The following CLK3 variants were observed in gnomAD, a reference collection of about 807,000 sequenced individuals.
The protein encoded by CLK3 is dual specificity protein kinase CLK3.
A neutral mutation model predicts 65.2 loss-of-function variants in CLK3; 24 were observed. The observed-to-expected ratio is 0.37, with a 90% CI of 0.27 to 0.52. The LOEUF is 0.52. Among genes scored for constraint, CLK3 ranks in the 20% least tolerant of loss-of-function variants. The pLI is 0.92. For missense variants in CLK3, 506 were observed against 660.0 expected, an observed-to-expected ratio of 0.77 and a Z score of 2.56; for synonymous variants, 252 against 240.8, an observed-to-expected ratio of 1.05 and a Z score of -0.43.
chr15:74,628,066 G>GC lies in CLK3; in HGVS notation c.1125+15dup. On this transcript the variant is annotated intron_variant, in intron 10 of 12. Transcript: ENST00000395066. ...ACACTCTTCCAGGTACAGCCACCCT[G>GC]CATTGGTCCCCTACCCTGAGTACTG... The GC allele has an allele frequency of 6.3e-7, 1 of 1,579,808 alleles. No individual in the cohort carries two copies. The highest frequency in any genetic ancestry group is 8.7e-7 in the Non-Finnish European group (1 of 1,148,696).
At chr15:74,625,342 C>G (rs2062135570) in intron 6 of CLK3, among the ~76,000 whole-genome samples, 1 of 152,170 alleles carries the variant, frequency 6.6e-6, no homozygotes, top group South Asian at 2.1e-4. Flanking sequence ...CTTTCTGTGG[C>G]AGACACACTG....
chr15:74,612,216 T>C (rs116659300), upstream of CLK3, among the ~76,000 whole-genome samples: 1,502 of 152,272 alleles, frequency 9.9e-3, 15 homozygotes, highest in African/African-American at 0.034. Flanking sequence ...AGTGTGGAAG[T>C]CTGGAAATGG....
At position 74,627,546 on chromosome 15, in the gene CLK3, A is replaced by G; in HGVS notation, c.920A>G (p.Glu307Gly). The G allele has an allele frequency of 6.2e-7, 1 of 1,614,182 alleles. No individual in the cohort carries two copies. Among genetic ancestry groups the G allele is most frequent in the Non-Finnish European group, 8.5e-7 (1 of 1,179,992 alleles). Reference sequence around the variant, plus strand: ...GCCTGCCTTGCCTTTCAGAGCTGTGAGGAGAAGTCAGTGAAGAACACCAGC... The same window carrying G: ...GCCTGCCTTGCCTTTCAGAGCTGTGGGGAGAAGTCAGTGAAGAACACCAGC... Reference protein sequence around the residue: ...ETLYNEHKSCEEKSVKNTSIR... With the variant: ...ETLYNEHKSCGEKSVKNTSIR... Residue 307 changes from glutamate to glycine, a missense_variant, in exon 9 of 13, where the codon GAG (glutamate) becomes GGG (glycine). Physicochemically the swap from Glu to Gly is moderately conservative, Grantham distance 98. Around this residue, in one of 2 missense-constraint regions of CLK3, gnomAD observed 325 missense variants for 500.5 expected, o/e 0.65. Transcript: ENST00000395066. This position sits in a 1 kb window ranked among gnomAD's most constrained non-coding sequence, Gnocchi z 4.3.
At position 74,619,228 on chromosome 15, in the gene CLK3, A is replaced by C. The variant is rs2062082793; in HGVS notation, c.32A>C (p.Glu11Ala). The C allele has an allele frequency of 2.5e-6, 4 of 1,614,140 alleles. No individual in the cohort carries two copies. The highest frequency in any genetic ancestry group is 3.4e-6 in the Non-Finnish European group (4 of 1,180,008). The change falls in exon 2 of 13, where the codon GAA becomes GCA. Residue 11 changes from glutamate (E) to alanine (A), a missense_variant. Physicochemically the swap from Glu to Ala is moderately radical, Grantham distance 107. Around this residue, in one of 2 missense-constraint regions of CLK3, gnomAD observed 181 missense variants for 159.4 expected, o/e 1.14. Transcript: ENST00000395066. ...CACTGTAAGCGATACCGCTCCCCTG[A>C]ACCAGACCCGTACCTGAGCTACCGA... is the stretch of plus-strand genomic sequence containing the variant. MHHCKRYRSP[E>A]PDPYLSYRWK...
chr15:74,626,960 C>T (rs975239063), intron 7 of CLK3: 28 of 458,548 alleles, frequency 6.1e-5, no homozygotes, highest in African/African-American at 4.2e-4. Flanking sequence ...GTAACTTGAA[C>T]AGGGGACCTG....
chr15:74,616,791 C>G (rs190274717), intron 1 of CLK3, among the ~76,000 whole-genome samples: 165 of 152,346 alleles, frequency 1.1e-3, no homozygotes, highest in African/African-American at 3.9e-3. Context: ...GCTGACCTGG[C>G]TGGCTGCACT....
chr15:74,609,835 C>T (rs1006029004), intron 1 of CLK3, among the ~76,000 whole-genome samples: 15 of 152,198 alleles, frequency 9.9e-5, no homozygotes, highest in African/African-American at 3.6e-4. Context: ...CTTGGCAGAC[C>T]GTTGATGCCT....
chr15:74,629,199 A>G (rs774415682), intron 12 of CLK3, 167 bp downstream of exon 12: 30 of 712,604 alleles, frequency 4.2e-5, no homozygotes, highest in Non-Finnish European at 6.7e-5. Flanking sequence ...GCTTCTTGCA[A>G]ACTGCCCCAG....
At chr15:74,616,232 C>T (rs1329692539) in intron 1 of CLK3, among the ~76,000 whole-genome samples, 1 of 152,260 alleles carries the variant, frequency 6.6e-6, no homozygotes, top group Non-Finnish European at 1.5e-5. Flanking sequence ...GACCCCTCCC[C>T]TACCCCTGGC....
chr15:74,627,904 C>T lies in CLK3; in HGVS notation c.1043-66C>T. 7.5e-7 allele frequency: 1 copy of T among 1,339,246 alleles called. No homozygotes were observed. Among genetic ancestry groups the T allele is most frequent in the Non-Finnish European group, 1.1e-6 (1 of 931,330 alleles). 83.0% of individuals were successfully genotyped at this position (1,339,246 alleles called of 1,614,324 possible). ...GTCCTGCCAGCCGGTGTGGTGGCTG[C>T]CTTGTGACTTCCAGGCTGGAAGCAT... On this transcript the variant is annotated intron_variant, in intron 9 of 12. Coordinates refer to ENST00000395066, the MANE Select transcript of CLK3 (RefSeq NM_001130028.2). This position sits in a 1 kb window ranked among gnomAD's most constrained non-coding sequence, Gnocchi z 4.3.
intron 1 of CLK3, among the ~76,000 whole-genome samples, chr15:74,609,685 T>G (rs545299145): frequency 1.8e-4 from 27 of 152,372 alleles, no homozygotes; most frequent in African/African-American, 6.5e-4. Flanking sequence ...ATGGAGACTC[T>G]GGGTCCCGAA....
rs1266723609 is a variant in CLK3 at position 74,622,090 on chromosome 15, G to A, written c.370-30G>A. On this transcript the variant is annotated intron_variant, in intron 3 of 12. Transcript: ENST00000395066. The surrounding 1 kb of genome is among the most constrained non-coding windows in gnomAD (Gnocchi z 4.6). Reference sequence around the variant, plus strand: ...GGAACCGCCTACCATGCGATTGGTCGGATGGCGTTTCGGGGGGCGGTGCAT... The same window carrying A: ...GGAACCGCCTACCATGCGATTGGTCAGATGGCGTTTCGGGGGGCGGTGCAT... The A allele has an allele frequency of 1.9e-6, 3 of 1,606,914 alleles. No individual in the cohort carries two copies. Among genetic ancestry groups the A allele is most frequent in the Non-Finnish European group, 2.6e-6 (3 of 1,173,652 alleles).
chr15:74,622,255 C>T lies in CLK3; in HGVS notation c.466+39C>T. ...TCGTAAAACTTTACCTCTCTACTTT[C>T]TACCCCCCTTGTTAGACGAGACCTC... is the stretch of plus-strand genomic sequence containing the variant. On this transcript the variant is annotated intron_variant, in intron 4 of 12. Transcript: ENST00000395066. This position sits in a 1 kb window ranked among gnomAD's most constrained non-coding sequence, Gnocchi z 4.6. 1 of 1,583,078 alleles carries T rather than the reference C, an allele frequency of 6.3e-7. No individual in the cohort carries two copies. The highest frequency in any genetic ancestry group is 8.7e-7 in the Non-Finnish European group (1 of 1,154,532).
In CLK3 at chr15:74,616,419, G is replaced by A. The variant is rs373608891; in HGVS notation, c.-1+521G>A. ...GGCAGGAAGGGACGCGAACGAGGGCGCAGGCTCCCCTGTGTGTTTTGTTGT... is the reference window on the plus strand; with the variant it reads ...GGCAGGAAGGGACGCGAACGAGGGCACAGGCTCCCCTGTGTGTTTTGTTGT... On this transcript the variant is annotated intron_variant, in intron 1 of 12. Transcript: ENST00000395066. Among the ~76,000 whole-genome samples, 14 of 152,384 alleles carry A rather than the reference G, an allele frequency of 9.2e-5. No individual in the cohort carries two copies. The East Asian group carries it at 1.3e-3, about 15-fold the overall frequency.
At chr15:74,628,490 G>T in intron 10 of CLK3, 114 bp from the exon 11 acceptor site, 1 of 701,612 alleles carries the variant, frequency 1.4e-6, no homozygotes. Flanking sequence ...TTCATTGGTA[G>T]GTTTGCATGT....
chr15:74,622,646 C>T lies in CLK3; in HGVS notation c.533+86C>T. ...TGAGGTTCTTGAGGGTGGCAGCTAT[C>T]AGAGCTTAACTTTTTTCTTTTTGAA... On this transcript the variant is annotated intron_variant, in intron 5 of 12. Coordinates refer to ENST00000395066, the MANE Select transcript of CLK3 (RefSeq NM_001130028.2). This position sits in a 1 kb window ranked among gnomAD's most constrained non-coding sequence, Gnocchi z 4.6. 9.5e-7 allele frequency: 1 copy of T among 1,056,190 alleles called. No individual in the cohort carries two copies. The highest frequency in any genetic ancestry group is 1.7e-5 in the South Asian group (1 of 59,838). 65.4% of individuals were successfully genotyped at this position (1,056,190 alleles called of 1,614,324 possible).
chr15:74,620,118 C>A lies in CLK3; in HGVS notation c.262C>A (p.Arg88Ser). The stretch of plus-strand genomic sequence containing the variant: ...TGGAGAGGACTACTATGGACCTTCA[C>A]GTTCTCGTCATCGTCGGCGATCGCG... ...SFGEDYYGPS[R>S]SRHRRRSRER... The change falls in exon 3 of 13, where the codon CGT becomes AGT. Residue 88 changes from arginine to serine, a missense_variant. Arg to Ser is a moderately radical substitution (Grantham distance 110, BLOSUM62 -1). Coordinates refer to ENST00000395066, the MANE Select transcript of CLK3 (RefSeq NM_001130028.2). 1 of 1,614,226 alleles carries A rather than the reference C, an allele frequency of 6.2e-7. No individual in the cohort carries two copies. Among genetic ancestry groups the A allele is most frequent in the Non-Finnish European group, 8.5e-7 (1 of 1,180,050 alleles).
At chr15:74,609,924 G>C (rs531451852) in intron 1 of CLK3, among the ~76,000 whole-genome samples, 1 of 152,376 alleles carries the variant, frequency 6.6e-6, no homozygotes, top group African/African-American at 2.4e-5. Flanking sequence ...TCTGGTCTCA[G>C]TTTTCCCATC....
At position 74,624,844 on chromosome 15, in the gene CLK3, G is replaced by A. The variant is rs1407466358; in HGVS notation, c.534-58G>A. 1.1e-5 allele frequency: 14 copies of A among 1,301,636 alleles called. No individual in the cohort carries two copies. The highest frequency in any genetic ancestry group is 1.3e-5 in the Non-Finnish European group (12 of 911,982). The allele number at this position is 1,301,636 out of a possible 1,614,324, so 80.6% of individuals were successfully genotyped here. A position where few individuals can be genotyped will look rare whatever the true frequency, so the allele number is the denominator to read the frequency against. On this transcript the variant is annotated intron_variant, in intron 5 of 12. Coordinates refer to ENST00000395066, the MANE Select transcript of CLK3 (RefSeq NM_001130028.2). This position sits in a 1 kb window ranked among gnomAD's most constrained non-coding sequence, Gnocchi z 4.2. ...GGGAGTTGCTGGGTTGGGGTGGAGG[G>A]TTGGGGAAGGACTGGGCAGCTGCTG...
Sources: allele counts gnomAD v4.1 joint callset (sites outside exome capture counted in the v4.1 genomes callset), GRCh38; gene constraint gnomAD v4.1.1; regional missense constraint gnomAD v4.1.1; non-coding constraint Gnocchi (gnomAD v3.1); transcripts MANE v1.5; gene names NCBI Gene and HGNC (gene_info 2026-07-23, HGNC 2026-07-21).